HLCS: variants seen among roughly 807,000 people sequenced by gnomAD.
The protein encoded by HLCS is biotin--protein ligase.
In HLCS, 53 loss-of-function variants were observed where a neutral mutation model predicts 75.0. The ratio of observed to expected loss-of-function variants is 0.71; its 90% CI spans 0.57 to 0.89. The LOEUF is 0.89. Among genes scored for constraint, HLCS ranks in the 40% least tolerant of loss-of-function variants. The pLI is 0.00. For missense variants in HLCS, 966 were observed against 1,074.0 expected (o/e 0.90, Z 1.41); for synonymous variants, 431 against 428.6 (o/e 1.01, Z -0.07).
chr21:36,799,788 A>G (rs2061141646), intron 6 of HLCS, among the ~76,000 whole-genome samples: 1 of 152,210 alleles, frequency 6.6e-6, no homozygotes, highest in Non-Finnish European at 1.5e-5. Flanking sequence ...ATTTCCAAGG[A>G]GCCGAAAACT....
At chr21:36,773,950 A>G (rs1001303797) in intron 6 of HLCS, among the ~76,000 whole-genome samples, 2 of 152,210 alleles carry the variant, frequency 1.3e-5, no homozygotes, top group African/African-American at 4.8e-5. Context: ...CTAAAATATC[A>G]AGATATTTCA....
At chr21:36,954,767 A>G (rs940427268) in intron 2 of HLCS, among the ~76,000 whole-genome samples, 2 of 152,088 alleles carry the variant, frequency 1.3e-5, no homozygotes, top group African/African-American at 4.8e-5. Flanking sequence ...AAAACAAAAC[A>G]AAACAAAAAA....
At chr21:36,851,955 C>T (rs532343619) in intron 6 of HLCS, 4 of 152,390 alleles carry the variant, frequency 2.6e-5, no homozygotes, top group East Asian at 3.9e-4. Flanking sequence ...TGTCCGATCA[C>T]GGACGCTAAG....
At chr21:36,808,938 G>A (rs1331793592) in intron 6 of HLCS, among the ~76,000 whole-genome samples, 2 of 152,064 alleles carry the variant, frequency 1.3e-5, no homozygotes, top group South Asian at 4.2e-4. Context: ...GTTAGGGCAG[G>A]CGTGGTGGCT....
intron 6 of HLCS, among the ~76,000 whole-genome samples, chr21:36,844,334 G>T (rs1338752618): frequency 6.6e-6 from 1 of 152,038 alleles, no homozygotes; most frequent in African/African-American, 2.4e-5. Flanking sequence ...GTTAATAATA[G>T]GGGGAAACGG....
intron 6 of HLCS, among the ~76,000 whole-genome samples, chr21:36,844,093 T>G (rs1290859961): frequency 6.6e-6 from 1 of 152,226 alleles, no homozygotes; most frequent in African/African-American, 2.4e-5. Flanking sequence ...CATGCTCATA[T>G]GAGAATATTT....
At chr21:36,911,979 A>C (rs1258419266) in intron 5 of HLCS, among the ~76,000 whole-genome samples, 3 of 150,644 alleles carry the variant, frequency 2.0e-5, no homozygotes, top group Non-Finnish European at 4.4e-5. Flanking sequence ...GCGGAGACAG[A>C]AGAATCGCTT....
At chr21:36,972,374 C>G (rs1034242929) in intron 1 of HLCS, 1 of 152,028 alleles carries the variant, frequency 6.6e-6, no homozygotes, top group African/African-American at 2.4e-5. Flanking sequence ...GCTCTTGAAC[C>G]CCTAACCTCA....
At chr21:36,830,078 T>C (rs903898421) in intron 6 of HLCS, among the ~76,000 whole-genome samples, 11 of 152,128 alleles carry the variant, frequency 7.2e-5, no homozygotes, top group African/African-American at 2.7e-4. Flanking sequence ...CTCGTGTCCT[T>C]GTAAGAAGAG....
At chr21:36,938,154 C>T (rs544455549) in intron 3 of HLCS, among the ~76,000 whole-genome samples, 1 of 152,234 alleles carries the variant, frequency 6.6e-6, no homozygotes, top group African/African-American at 2.4e-5. Context: ...AAGTAAAAAG[C>T]GGTTTGATTT....
chr21:36,827,622 G>A (rs560753593), intron 6 of HLCS, among the ~76,000 whole-genome samples: 4 of 149,954 alleles, frequency 2.7e-5, no homozygotes, highest in South Asian at 4.3e-4. Context: ...AATAACCACC[G>A]AGCTGAAAGA....
chr21:36,873,643 G>A (rs1204521731), intron 6 of HLCS, among the ~76,000 whole-genome samples: 1 of 152,122 alleles, frequency 6.6e-6, no homozygotes, highest in East Asian at 1.9e-4. Context: ...TAGAGACAGG[G>A]TGTCACTCTG....
In HLCS at chr21:36,820,478, G is replaced by A. The variant is rs116078467; in HGVS notation, c.1893-53193C>T. The stretch of plus-strand genomic sequence containing the variant: ...TGCTGCAGGGCCTGTCCCTGCTCCC[G>A]GCACCCACTCTGATTTCAGAGCAAA... On this transcript the variant is annotated intron_variant, in intron 6 of 10. Transcript: ENST00000674895. Among the ~76,000 whole-genome samples, 1,077 of 152,298 alleles carry A rather than the reference G, an allele frequency of 7.1e-3. 16 individuals are homozygous for A. Among genetic ancestry groups the A allele is most frequent in the African/African-American group, 0.024 (999 of 41,570 alleles).
At chr21:36,811,759 C>A (rs1984020) in intron 6 of HLCS, among the ~76,000 whole-genome samples, 54,753 of 152,056 alleles carry the variant, frequency 0.36, 12,991 homozygotes, top group African/African-American at 0.68. Flanking sequence ...TAGTCTCTAA[C>A]CTTTCAAAAT....
chr21:36,753,810 C>G lies in HLCS; in HGVS notation c.*436G>C. The G allele has an allele frequency of 3.8e-6, 1 of 264,704 alleles. No individual in the cohort carries two copies. The highest frequency in any genetic ancestry group is 5.1e-5 in the Admixed American group (1 of 19,490). 16.4% of individuals were successfully genotyped at this position (264,704 alleles called of 1,614,324 possible). A position where few individuals can be genotyped will look rare whatever the true frequency, so the allele number is the denominator to read the frequency against. On this transcript the variant is annotated 3_prime_UTR_variant, in exon 11 of 11. Coordinates refer to ENST00000674895, the MANE Select transcript of HLCS (RefSeq NM_001352514.2). The surrounding 1 kb of genome is among the most constrained non-coding windows in gnomAD (Gnocchi z 4.3). ...TTACAGTTCAGTACCTCCCCAGATG[C>G]TTACAAACAGTGATAGCATACCTCT... is the stretch of plus-strand genomic sequence containing the variant.
At chr21:36,958,482 T>C (rs1569249375) in intron 2 of HLCS, among the ~76,000 whole-genome samples, 1 of 152,166 alleles carries the variant, frequency 6.6e-6, no homozygotes, top group Non-Finnish European at 1.5e-5. Context: ...ATCTCTCACT[T>C]AGCAGCTGGT....
At chr21:36,761,973 A>G (rs934873865) in intron 8 of HLCS, among the ~76,000 whole-genome samples, 2 of 152,228 alleles carry the variant, frequency 1.3e-5, no homozygotes, top group Non-Finnish European at 2.9e-5. Context: ...TCCTCGGCTC[A>G]TGAAGCAGCT....
rs190231878 is a variant in HLCS at position 36,860,014 on chromosome 21, C to G, written c.1892+36846G>C. The stretch of plus-strand genomic sequence containing the variant: ...TACTCAATCAATATTCATGCAGAGT[C>G]CACTCTACAGCAGGCTCTAGGTCAG... On this transcript the variant is annotated intron_variant, in intron 6 of 10. Transcript: ENST00000674895. 2.7e-3 allele frequency among the ~76,000 whole-genome samples: 404 copies of G among 152,336 alleles called. 2 individuals are homozygous for G. Among genetic ancestry groups the G allele is most frequent in the African/African-American group, 9.5e-3 (393 of 41,578 alleles).
rs1161299385 is a variant in HLCS at position 36,754,209 on chromosome 21, G to A, written c.*37C>T. On this transcript the variant is annotated 3_prime_UTR_variant, in exon 11 of 11. Coordinates refer to ENST00000674895, the MANE Select transcript of HLCS (RefSeq NM_001352514.2). ...CTAAATTAGATTTCCAGATGCATGG[G>A]CACGGACAGGCAGCCGCGTCTCGGG... 9 of 1,603,464 alleles carry A rather than the reference G, an allele frequency of 5.6e-6. No homozygotes were observed. Among genetic ancestry groups the A allele is most frequent in the Non-Finnish European group, 7.7e-6 (9 of 1,171,840 alleles).
Sources: allele counts gnomAD v4.1 joint callset (sites outside exome capture counted in the v4.1 genomes callset), GRCh38; gene constraint gnomAD v4.1.1; non-coding constraint Gnocchi (gnomAD v3.1); transcripts MANE v1.5; gene names NCBI Gene and HGNC (gene_info 2026-07-23, HGNC 2026-07-21).